The following EPHB2 variants were observed in gnomAD, a reference collection of about 807,000 sequenced individuals.
EPHB2 encodes the protein ephrin type-B receptor 2.
In EPHB2, 18 loss-of-function variants were observed where a neutral mutation model predicts 96.4. The observed-to-expected ratio is 0.19, with a 90% CI of 0.13 to 0.28. EPHB2 has a LOEUF of 0.28. Among genes scored for constraint, EPHB2 ranks in the 10% least tolerant of loss-of-function variants. The pLI, the probability that EPHB2 is intolerant of heterozygous loss-of-function variation, is 1.00. For synonymous variants in EPHB2, 506 were observed against 534.1 expected (o/e 0.95, Z 0.72); for missense variants, 989 against 1,355.4 (o/e 0.73, Z 4.25).
At position 22,861,739 on chromosome 1, in the gene EPHB2, G is replaced by C. The variant is rs149238083; in HGVS notation, c.812-1298G>C. Among the ~76,000 whole-genome samples, 40 of 152,246 alleles carry C rather than the reference G, an allele frequency of 2.6e-4. No homozygotes were observed. In the East Asian group the frequency reaches 7.2e-3, roughly 27 times the overall value. On this transcript the variant is annotated intron_variant, in intron 3 of 15. Transcript: ENST00000374630. ...AGCTGGTTGAGGGTTGAGGGAGGGT[G>C]GTTTGCTAAGACTTGGACTGGGAAG...
At chr1:22,819,205 G>GTC (rs71020453) in intron 3 of EPHB2, among the ~76,000 whole-genome samples, 8,885 of 103,300 alleles carry the variant, frequency 0.086, 593 homozygotes, top group African/African-American at 0.14. Context: ...CCCAGCAGAT[G>GTC]TCTCTCTCTC....
At chr1:22,764,256 T>A (rs983875877) in intron 1 of EPHB2, among the ~76,000 whole-genome samples, 34 of 152,324 alleles carry the variant, frequency 2.2e-4, no homozygotes, top group African/African-American at 8.2e-4. Flanking sequence ...CTTTGTGTTA[T>A]AATTTGAGTG....
At chr1:22,803,619 ATATATATATATGTG>A (rs1644877179) in intron 3 of EPHB2, among the ~76,000 whole-genome samples, 1 of 18,492 alleles carries the variant, frequency 5.4e-5, no homozygotes, top group African/African-American at 6.2e-5. Flanking sequence ...AAAAAATAAT[ATATATATATATGTG>A]TATATATATG....
chr1:22,728,857 A>G (rs759047702), intron 1 of EPHB2, among the ~76,000 whole-genome samples: 8 of 152,122 alleles, frequency 5.3e-5, no homozygotes, highest in Non-Finnish European at 1.0e-4. Flanking sequence ...GGGGCCCTGA[A>G]TTGGCCTCCT....
At chr1:22,738,682 TATTA>T (rs1462107597) in intron 1 of EPHB2, among the ~76,000 whole-genome samples, 1 of 152,222 alleles carries the variant, frequency 6.6e-6, no homozygotes, top group East Asian at 1.9e-4. Context: ...CATGTGCTGT[TATTA>T]GTCATTGTAG....
chr1:22,821,618 T>C (rs1645153486), intron 3 of EPHB2, among the ~76,000 whole-genome samples: 1 of 152,236 alleles, frequency 6.6e-6, no homozygotes, highest in Non-Finnish European at 1.5e-5. Context: ...CCCTCCTACA[T>C]TCTGGGACAT....
rs758478096 is a variant in EPHB2, at chr1:22,912,574, G to A, written c.2827G>A (p.Asp943Asn). 2 of 1,614,020 alleles carry A rather than the reference G, an allele frequency of 1.2e-6. No individual in the cohort carries two copies. Among genetic ancestry groups the A allele is most frequent in the Admixed American group, 3.3e-5 (2 of 60,028 alleles). Residue 943 changes from aspartate (D) to asparagine (N), a missense_variant, in exon 15 of 16, where the codon GAC becomes AAC. Physicochemically the swap from Asp to Asn is conservative, Grantham distance 23. Transcript: ENST00000374630. ...CGCCAATGCCGGCTTCACCTCCTTTGACGTCGTGTCTCAGATGATGATGGA... is the reference window on the plus strand; with the variant it reads ...CGCCAATGCCGGCTTCACCTCCTTTAACGTCGTGTCTCAGATGATGATGGA... ...SFANAGFTSF[D>N]VVSQMMMEDI... is the part of the protein sequence containing the mutation.
At chr1:22,750,498 T>A (rs2148378677) in intron 1 of EPHB2, among the ~76,000 whole-genome samples, 1 of 152,304 alleles carries the variant, frequency 6.6e-6, no homozygotes, top group Non-Finnish European at 1.5e-5. Context: ...TAAATAACGC[T>A]GAATCACACA....
At position 22,850,247 on chromosome 1, in the gene EPHB2, C is replaced by A. The variant is rs4427376; in HGVS notation, c.812-12790C>A. 6.8e-3 allele frequency among the ~76,000 whole-genome samples: 1,039 copies of A among 152,308 alleles called. 11 individuals carry two copies. The highest frequency in any genetic ancestry group is 0.024 in the African/African-American group (979 of 41,570). On this transcript the variant is annotated intron_variant, in intron 3 of 15. Transcript: ENST00000374630. ...AAATCCCAGCAGGGGTGGCCAGTAC[C>A]AGACACCGACAGAATGATGTAGGGA... is the stretch of plus-strand genomic sequence containing the variant.
intron 1 of EPHB2, among the ~76,000 whole-genome samples, chr1:22,763,540 C>G (rs74060667): frequency 6.6e-6 from 1 of 152,040 alleles, no homozygotes; most frequent in African/African-American, 2.4e-5. Context: ...CCCTCCCCCC[C>G]ACTTCAAATG....
intron 1 of EPHB2, among the ~76,000 whole-genome samples, chr1:22,714,736 G>A (rs1643247659): frequency 6.6e-6 from 1 of 152,202 alleles, no homozygotes; most frequent in African/African-American, 2.4e-5. Flanking sequence ...GTCCTGGACA[G>A]TCACAGTAAA....
At chr1:22,720,660 T>TCCCCACCC (rs1643433106) in intron 1 of EPHB2, among the ~76,000 whole-genome samples, 1 of 57,380 alleles carries the variant, frequency 1.7e-5, no homozygotes, top group Non-Finnish European at 3.4e-5. Flanking sequence ...GAAATCTCAT[T>TCCCCACCC]CCCCCCCCCC....
At chr1:22,811,401 G>A (rs1040836526) in intron 3 of EPHB2, among the ~76,000 whole-genome samples, 2 of 152,140 alleles carry the variant, frequency 1.3e-5, no homozygotes, top group Non-Finnish European at 2.9e-5. Context: ...CCATACTTAC[G>A]ATGTCCAGGC....
At chr1:22,821,906 A>G (rs1286643092) in intron 3 of EPHB2, among the ~76,000 whole-genome samples, 1 of 152,218 alleles carries the variant, frequency 6.6e-6, no homozygotes, top group Non-Finnish European at 1.5e-5. Flanking sequence ...ACTGGTACCA[A>G]TAGATCCATA....
intron 8 of EPHB2, 142 bp downstream of exon 8, chr1:22,895,722 G>C (rs1438050764): frequency 4.0e-6 from 3 of 759,040 alleles, no homozygotes; most frequent in Non-Finnish European, 6.5e-6. Flanking sequence ...GAAGTGGAAG[G>C]CTTCAAGTGG....
chr1:22,908,701 G>A (rs920646087), intron 12 of EPHB2, among the ~76,000 whole-genome samples: 6 of 152,228 alleles, frequency 3.9e-5, no homozygotes, highest in Non-Finnish European at 7.3e-5. Context: ...TGAGTACTGT[G>A]CCATGTGAGA....
At chr1:22,871,292 G>A (rs975155808) in intron 5 of EPHB2, among the ~76,000 whole-genome samples, 2 of 152,208 alleles carry the variant, frequency 1.3e-5, no homozygotes, top group Non-Finnish European at 2.9e-5. Flanking sequence ...CAGTCCATAT[G>A]CTCCATCCAT....
At chr1:22,805,370 C>A (rs1265077196) in intron 3 of EPHB2, among the ~76,000 whole-genome samples, 1 of 152,188 alleles carries the variant, frequency 6.6e-6, no homozygotes, top group East Asian at 1.9e-4. Context: ...GGGCTGCCAG[C>A]CCAGAGTGGG....
In EPHB2 at chr1:22,784,749, G is replaced by A. The variant is rs1347733653; in HGVS notation, c.484G>A (p.Glu162Lys). 9.9e-6 allele frequency: 16 copies of A among 1,612,280 alleles called. No homozygotes were observed. The highest frequency in any genetic ancestry group is 1.7e-5 in the Admixed American group (1 of 59,988). The change falls in exon 3 of 16, where the codon GAG becomes AAG. Residue 162 changes from glutamate to lysine, a missense_variant. Transcript: ENST00000374630. This position sits in a 1 kb window ranked among gnomAD's most constrained non-coding sequence, Gnocchi z 5.1. Reference sequence around the variant, plus strand: ...TGGCCGCGTCATGAAAATCAACACCGAGGTGCGGAGCTTCGGACCTGTGTC... The same window carrying A: ...TGGCCGCGTCATGAAAATCAACACCAAGGTGCGGAGCTTCGGACCTGTGTC... ...LGGRVMKINT[E>K]VRSFGPVSRS...
Sources: gnomAD v4.1 joint callset for allele counts (sites outside exome capture counted in the v4.1 genomes callset) on GRCh38, gnomAD v4.1.1 for gene constraint, Gnocchi (gnomAD v3.1) non-coding constraint, MANE v1.5 for transcripts, NCBI Gene and HGNC (gene_info 2026-07-23, HGNC 2026-07-21) for gene names.